The following CELSR1 variants were observed in gnomAD, a reference collection of about 807,000 sequenced individuals.
CELSR1 encodes adhesion G protein-coupled receptor C1.
In CELSR1, 110 loss-of-function variants were observed where a neutral mutation model predicts 249.1. That is an observed-to-expected ratio of 0.44 (90% CI 0.38 to 0.52). CELSR1 has a LOEUF of 0.52. Among genes scored for constraint, CELSR1 ranks in the 20% least tolerant of loss-of-function variants. The pLI, the probability that CELSR1 is intolerant of heterozygous loss-of-function variation, is 0.00. For synonymous variants in CELSR1, 2,113 were observed against 1,900.0 expected (o/e 1.11, Z -2.92); for missense variants, 4,109 against 4,296.4 (o/e 0.96, Z 1.22).
At chr22:46,501,379 T>C (rs1198769040) in intron 1 of CELSR1, among the ~76,000 whole-genome samples, 1 of 152,030 alleles carries the variant, frequency 6.6e-6, no homozygotes, top group African/African-American at 2.4e-5. Flanking sequence ...CTAATTTTTG[T>C]ATTTTTAGTA....
At position 46,484,933 on chromosome 22, in the gene CELSR1, A is replaced by G. The variant is rs554048776; in HGVS notation, c.3545-20588T>C. Among the ~76,000 whole-genome samples the G allele has an allele frequency of 6.6e-6, 1 of 151,888 alleles. No individual in the cohort carries two copies. The highest frequency in any genetic ancestry group is 2.4e-5 in the African/African-American group (1 of 41,464). On this transcript the variant is annotated intron_variant, in intron 1 of 34. Transcript: ENST00000674500. This position sits in a 1 kb window ranked among gnomAD's most constrained non-coding sequence, Gnocchi z 4.5. The stretch of plus-strand genomic sequence containing the variant: ...GCAACTTGCATTGAAACTGCTGAGA[A>G]CAGAAAAGCTGAGATTTCGTTTTTC...
rs1385593130 is a variant in CELSR1 at position 46,401,741 on chromosome 22, G to GGGGTTT, written c.5227-1845_5227-1840dup. Among the ~76,000 whole-genome samples, 2 of 152,288 alleles carry GGGGTTT rather than the reference G, an allele frequency of 1.3e-5. No individual in the cohort carries two copies. The highest frequency in any genetic ancestry group is 3.9e-4 in the East Asian group (2 of 5,182). ...CCTTGGCTTCTGGTTGGAACCCTGAGGGGTTTACACTAACGATAAAAACGA... is the reference window on the plus strand; with the variant it reads ...CCTTGGCTTCTGGTTGGAACCCTGAGGGGTTTGGGTTTACACTAACGATAAAAACGA... On this transcript the variant is annotated intron_variant, in intron 9 of 34. Transcript: ENST00000674500. This position sits in a 1 kb window ranked among gnomAD's most constrained non-coding sequence, Gnocchi z 4.7.
chr22:46,448,567 A>C lies in CELSR1; in HGVS notation c.4184-9156T>G, dbSNP rs539037838. On this transcript the variant is annotated intron_variant, in intron 2 of 34. Transcript: ENST00000674500. The surrounding 1 kb of genome is among the most constrained non-coding windows in gnomAD (Gnocchi z 5.7). ...CAATTCCTTTCTGGTCCTAAGAAACAGCTAAGAGCTTTGAACTAGAAAAAC... is the reference window on the plus strand; with the variant it reads ...CAATTCCTTTCTGGTCCTAAGAAACCGCTAAGAGCTTTGAACTAGAAAAAC... 4 of 440,772 alleles carry C rather than the reference A, an allele frequency of 9.1e-6. No homozygotes were observed. In the East Asian group the frequency reaches 2.8e-4, roughly 31 times the overall value. The allele number at this position is 440,772 out of a possible 1,614,324, so 27.3% of individuals were successfully genotyped here. A position where few individuals can be genotyped will look rare whatever the true frequency, so the allele number is the denominator to read the frequency against.
chr22:46,534,552 T>C lies in CELSR1; in HGVS notation c.2619A>G (p.Ser873=). 3 of 1,613,672 alleles carry C rather than the reference T, an allele frequency of 1.9e-6. 1 individual carries two copies. Among genetic ancestry groups the C allele is most frequent in the Non-Finnish European group, 2.5e-6 (3 of 1,180,014 alleles). ...MAQDNGIPQK[S]DTTTLEILIL... ...TGAGGATCTCTAGGGTGGTGGTGTC[T>C]GATTTCTGCGGGATGCCGTTGTCCT... The change falls in exon 1 of 35, where the codon TCA becomes TCG. Residue 873 remains serine, a synonymous_variant. Transcript: ENST00000674500. This position sits in a 1 kb window ranked among gnomAD's most constrained non-coding sequence, Gnocchi z 9.7.
In CELSR1 at chr22:46,505,690, GT is replaced by G. The variant is rs774059794; in HGVS notation, c.3544+27936del. Among the ~76,000 whole-genome samples, 157 of 152,222 alleles carry G rather than the reference GT, an allele frequency of 1.0e-3. 1 individual carries two copies. Among genetic ancestry groups the G allele is most frequent in the Non-Finnish European group, 1.6e-3 (109 of 68,034 alleles). ...AAAAGCAATTTGCACTTGGAGGTGG[GT>G]GGGGAAACACAGAAATGGTGTATAT... On this transcript the variant is annotated intron_variant, in intron 1 of 34. Coordinates refer to ENST00000674500, the MANE Select transcript of CELSR1 (RefSeq NM_001378328.1).
chr22:46,456,820 C>G (rs181822864), intron 2 of CELSR1, among the ~76,000 whole-genome samples: 46 of 150,582 alleles, frequency 3.1e-4, no homozygotes, highest in African/African-American at 1.1e-3. Flanking sequence ...AGAAGTTTCT[C>G]TGTCCTTGAA....
At position 46,454,331 on chromosome 22, in the gene CELSR1, A is replaced by G. The variant is rs1444649889; in HGVS notation, c.4183+9376T>C. ...AGCCCCTCGTGTGTGGAAATGTTAC[A>G]GCGGCCACAGGAGACTCGTGCAGGG... is the stretch of plus-strand genomic sequence containing the variant. On this transcript the variant is annotated intron_variant, in intron 2 of 34. Coordinates refer to ENST00000674500, the MANE Select transcript of CELSR1 (RefSeq NM_001378328.1). This position sits in a 1 kb window ranked among gnomAD's most constrained non-coding sequence, Gnocchi z 5.1. 2.6e-5 allele frequency among the ~76,000 whole-genome samples: 4 copies of G among 152,176 alleles called. No individual in the cohort carries two copies. The highest frequency in any genetic ancestry group is 9.7e-5 in the African/African-American group (4 of 41,442).
At position 46,364,109 on chromosome 22, in the gene CELSR1, G is replaced by A. The variant is rs148228840; in HGVS notation, c.8922C>T (p.Pro2974=). ...SRTSSLGSGG[P]DCAITVKSPG... is the part of the protein sequence containing the mutation. ...GGCTCTTGACTGTGATGGCGCAGTC[G>A]GGGCCGCCAGAGCCCAGGGAAGACG... Residue 2974 remains proline, a synonymous_variant, in exon 34 of 35, where the codon CCC becomes CCT. Coordinates refer to ENST00000674500, the MANE Select transcript of CELSR1 (RefSeq NM_001378328.1). 8.7e-5 allele frequency: 141 copies of A among 1,612,216 alleles called. 2 individuals are homozygous for A. In the East Asian group the frequency reaches 1.1e-3, roughly 13 times the overall value.
intron 2 of CELSR1, among the ~76,000 whole-genome samples, chr22:46,459,262 G>T (rs565063557): frequency 2.0e-5 from 3 of 152,232 alleles, no homozygotes; most frequent in East Asian, 3.9e-4. Context: ...GCAGCACCAG[G>T]ATTCAAAACC....
intron 1 of CELSR1, among the ~76,000 whole-genome samples, chr22:46,483,385 CTTTTTTTTTTT>C (rs10647586): frequency 3.7e-5 from 3 of 81,212 alleles, no homozygotes; most frequent in African/African-American, 1.4e-4. Context: ...CTATTCCTGA[CTTTTTTTTTTT>C]TTTTTTTTTT....
At chr22:46,442,793 C>G (rs2079767128) in intron 2 of CELSR1, among the ~76,000 whole-genome samples, 1 of 152,160 alleles carries the variant, frequency 6.6e-6, no homozygotes, top group Non-Finnish European at 1.5e-5. Context: ...GTTGCAACAC[C>G]TAAGAATGTG....
chr22:46,444,047 G>T (rs993386280), intron 2 of CELSR1, among the ~76,000 whole-genome samples: 1 of 152,174 alleles, frequency 6.6e-6, no homozygotes, highest in East Asian at 1.9e-4. Context: ...TCCCACAGCC[G>T]CTTCTGTCTG....
chr22:46,425,881 T>TCC (rs2079531218), intron 5 of CELSR1, among the ~76,000 whole-genome samples: 1 of 152,214 alleles, frequency 6.6e-6, no homozygotes, highest in African/African-American at 2.4e-5. Flanking sequence ...ATTTGAAACA[T>TCC]CCCCCTTTTC....
chr22:46,422,277 T>C (rs1041619440), intron 5 of CELSR1, among the ~76,000 whole-genome samples: 2 of 151,942 alleles, frequency 1.3e-5, no homozygotes, highest in African/African-American at 4.8e-5. Context: ...GGCTAATTTT[T>C]TTGTATTTTT....
intron 1 of CELSR1, among the ~76,000 whole-genome samples, chr22:46,531,016 G>A (rs892219585): frequency 8.5e-5 from 13 of 152,132 alleles, no homozygotes; most frequent in Admixed American, 5.9e-4. Flanking sequence ...CCGCTTCCCC[G>A]CATTGTTCCT....
At position 46,434,419 on chromosome 22, in the gene CELSR1, G is replaced by A. The variant is rs2079634015; in HGVS notation, c.4523-938C>T. ...CCGGGCAGAGAATACCGTCTCCAGGGAACCAGCAGGAGTTCTGGAAACGGG... is the reference window on the plus strand; with the variant it reads ...CCGGGCAGAGAATACCGTCTCCAGGAAACCAGCAGGAGTTCTGGAAACGGG... On this transcript the variant is annotated intron_variant, in intron 4 of 34. Coordinates refer to ENST00000674500, the MANE Select transcript of CELSR1 (RefSeq NM_001378328.1). The surrounding 1 kb of genome is among the most constrained non-coding windows in gnomAD (Gnocchi z 4.9). 6.6e-6 allele frequency among the ~76,000 whole-genome samples: 1 copy of A among 152,206 alleles called. No individual in the cohort carries two copies. Among genetic ancestry groups the A allele is most frequent in the Admixed American group, 6.5e-5 (1 of 15,284 alleles).
In CELSR1 at chr22:46,527,451, A is replaced by G. The variant is rs573687909; in HGVS notation, c.3544+6176T>C. On this transcript the variant is annotated intron_variant, in intron 1 of 34. Coordinates refer to ENST00000674500, the MANE Select transcript of CELSR1 (RefSeq NM_001378328.1). This position sits in a 1 kb window ranked among gnomAD's most constrained non-coding sequence, Gnocchi z 5.5. ...GACTCCCGGTCTCCCTGCCCATCACACACTGCACACGTCCAGGGGGGTAGA... is the reference window on the plus strand; with the variant it reads ...GACTCCCGGTCTCCCTGCCCATCACGCACTGCACACGTCCAGGGGGGTAGA... Among the ~76,000 whole-genome samples, 2 of 151,976 alleles carry G rather than the reference A, an allele frequency of 1.3e-5. No individual in the cohort carries two copies. The highest frequency in any genetic ancestry group is 4.8e-5 in the African/African-American group (2 of 41,458).
At chr22:46,520,699 T>A (rs1217665603) in intron 1 of CELSR1, among the ~76,000 whole-genome samples, 1 of 152,154 alleles carries the variant, frequency 6.6e-6, no homozygotes, top group Non-Finnish European at 1.5e-5. Flanking sequence ...TGACCTCATG[T>A]GATCCACCTG....
rs2079207047 is a variant in CELSR1, at chr22:46,401,124, A to T, written c.5227-1222T>A. On this transcript the variant is annotated intron_variant, in intron 9 of 34. Transcript: ENST00000674500. The surrounding 1 kb of genome is among the most constrained non-coding windows in gnomAD (Gnocchi z 4.7). ...CTTTTAAGTACTGGGACCCAGCTCG[A>T]TTCAGGTAACTACTGGGCTCCTATT... Among the ~76,000 whole-genome samples the T allele has an allele frequency of 6.6e-6, 1 of 152,168 alleles. No homozygotes were observed. Among genetic ancestry groups the T allele is most frequent in the African/African-American group, 2.4e-5 (1 of 41,444 alleles).
Sources: gnomAD v4.1 joint callset for allele counts (sites outside exome capture counted in the v4.1 genomes callset) on GRCh38, gnomAD v4.1.1 for gene constraint, Gnocchi (gnomAD v3.1) non-coding constraint, MANE v1.5 for transcripts, NCBI Gene and HGNC (gene_info 2026-07-23, HGNC 2026-07-21) for gene names.